The following STK3 variants were observed in gnomAD, a reference collection of about 807,000 sequenced individuals.
STK3 encodes serine/threonine-protein kinase 3.
STK3 carries 41 observed loss-of-function variants against 58.0 expected under a neutral mutation model. That is an observed-to-expected ratio of 0.71 (90% confidence interval 0.55 to 0.92). STK3 has a LOEUF of 0.92. STK3 is among the 40% of genes least tolerant of loss of function. The pLI is 0.00. For missense variants in STK3, 479 were observed against 602.7 expected, an observed-to-expected ratio of 0.79 and a Z score of 2.15; for synonymous variants, 170 against 191.0, an observed-to-expected ratio of 0.89 and a Z score of 0.91.
intron 8 of STK3, among the ~76,000 whole-genome samples, chr8:98,579,331 G>A (rs887734835): frequency 2.0e-5 from 3 of 152,066 alleles, no homozygotes; most frequent in African/African-American, 7.3e-5. Flanking sequence ...CAGCATAGCT[G>A]GTGACCAGTT....
rs1014483568 is a variant in STK3 at position 98,581,810 on chromosome 8, A to G, written c.823-2021T>C. On this transcript the variant is annotated intron_variant, in intron 7 of 10. Transcript: ENST00000419617. Reference sequence around the variant, plus strand: ...TGAGTCCCACCATCTCTAGCAGTCTATTGCCTTCTTTCCACCTTTTAGAGT... The same window carrying G: ...TGAGTCCCACCATCTCTAGCAGTCTGTTGCCTTCTTTCCACCTTTTAGAGT... 2.0e-5 allele frequency among the ~76,000 whole-genome samples: 3 copies of G among 151,776 alleles called. No individual in the cohort carries two copies. The South Asian group carries it at 6.3e-4, about 32-fold the overall frequency.
chr8:98,355,184 T>C, the STK3 span, among the ~76,000 whole-genome samples: 2 of 152,192 alleles, frequency 1.3e-5, no homozygotes, highest in Non-Finnish European at 2.9e-5. Flanking sequence ...ACAGCACTCC[T>C]TCTCCCTTGC....
At chr8:98,716,456 G>A (rs1324441115) in intron 4 of STK3, among the ~76,000 whole-genome samples, 2 of 151,526 alleles carry the variant, frequency 1.3e-5, no homozygotes, top group Non-Finnish European at 2.9e-5. Flanking sequence ...AAAATACTTA[G>A]GAATTAATTT....
chr8:98,901,323 T>C (rs1038254610), intron 1 of STK3, among the ~76,000 whole-genome samples: 7 of 152,210 alleles, frequency 4.6e-5, no homozygotes, highest in Non-Finnish European at 1.0e-4. Flanking sequence ...ACAATAAGCT[T>C]TTATTAACTC....
chr8:98,708,705 G>A (rs1264065068), intron 4 of STK3, among the ~76,000 whole-genome samples: 1 of 152,154 alleles, frequency 6.6e-6, no homozygotes, highest in Non-Finnish European at 1.5e-5. Context: ...GTGATATTAT[G>A]AAATCACAGG....
chr8:98,394,763 T>C (rs945786811), intron 3 of STK3, among the ~76,000 whole-genome samples: 6 of 152,210 alleles, frequency 3.9e-5, no homozygotes, highest in Non-Finnish European at 7.4e-5. Context: ...CAACAAATAC[T>C]AAGTTACTGT....
At chr8:98,914,743 C>T (rs1259771442) in intron 1 of STK3, among the ~76,000 whole-genome samples, 10 of 152,102 alleles carry the variant, frequency 6.6e-5, no homozygotes, top group African/African-American at 1.9e-4. Flanking sequence ...AAGAGCTAAA[C>T]GTGCTGATAT....
At chr8:98,536,372 G>C (rs1474994641) in intron 9 of STK3, among the ~76,000 whole-genome samples, 1 of 152,060 alleles carries the variant, frequency 6.6e-6, no homozygotes, top group African/African-American at 2.4e-5. Flanking sequence ...AGGATTGCTT[G>C]AGGCCAGGAG....
rs1210737166 is a variant in STK3 at position 98,455,962 on chromosome 8, T to C, written c.1356A>G (p.Leu452=). 2.5e-6 allele frequency: 4 copies of C among 1,612,532 alleles called. No homozygotes were observed. Among genetic ancestry groups the C allele is most frequent in the Admixed American group, 3.3e-5 (2 of 59,834 alleles). ...GTTCCATCATGGGGTCCAGTGCTTT[T>C]AACCGCATCTGTAGTTCTTCTAAAC... is the stretch of plus-strand genomic sequence containing the variant. The part of the protein sequence containing the change: ...NLSLEELQMR[L]KALDPMMERE... The change falls in exon 11 of 11, where the codon TTA becomes TTG. Residue 452 remains leucine (L), a synonymous_variant. Transcript: ENST00000419617.
intron 1 of STK3, among the ~76,000 whole-genome samples, chr8:98,815,028 A>T (rs1219453231): frequency 6.6e-6 from 1 of 152,106 alleles, no homozygotes; most frequent in Non-Finnish European, 1.5e-5. Context: ...GGATTATTTT[A>T]TTTTCTATCT....
At chr8:98,512,869 C>T (rs976224019) in intron 10 of STK3, among the ~76,000 whole-genome samples, 24 of 152,094 alleles carry the variant, frequency 1.6e-4, no homozygotes, top group African/African-American at 5.3e-4. Flanking sequence ...GTCAATTTAT[C>T]TATGGGTAAA....
chr8:98,701,689 C>T (rs1345446020), intron 6 of STK3, among the ~76,000 whole-genome samples: 1 of 151,572 alleles, frequency 6.6e-6, no homozygotes, highest in Non-Finnish European at 1.5e-5. Flanking sequence ...CTCACACACA[C>T]ACACTCTCTC....
downstream of STK3, among the ~76,000 whole-genome samples, chr8:98,450,998 ATCTC>A (rs1451551220): frequency 9.9e-5 from 15 of 152,146 alleles, no homozygotes; most frequent in Admixed American, 6.5e-5. Flanking sequence ...ACCTCATTTA[ATCTC>A]TCTAATTCTT....
chr8:98,792,270 T>C (rs1397792072), intron 1 of STK3, among the ~76,000 whole-genome samples: 2 of 152,152 alleles, frequency 1.3e-5, no homozygotes, highest in African/African-American at 4.8e-5. Flanking sequence ...CCACCTTACT[T>C]CTGCAACAAT....
intron 10 of STK3, among the ~76,000 whole-genome samples, chr8:98,490,491 T>G (rs1293441071): frequency 6.6e-6 from 1 of 152,196 alleles, no homozygotes; most frequent in Non-Finnish European, 1.5e-5. Context: ...CATTTTCCTA[T>G]TTTAACCCAT....
intron 3 of STK3, among the ~76,000 whole-genome samples, chr8:98,753,056 C>T (rs1011764906): frequency 3.3e-5 from 5 of 151,944 alleles, no homozygotes; most frequent in African/African-American, 1.2e-4. Context: ...TGTGGCAATT[C>T]CTCAAAGACC....
At chr8:98,739,966 G>A (rs1394471172) in intron 4 of STK3, among the ~76,000 whole-genome samples, 26 of 152,172 alleles carry the variant, frequency 1.7e-4, no homozygotes, top group Admixed American at 8.5e-4. Context: ...CTCAGGAGCC[G>A]ATGCGATCAA....
At chr8:98,589,561 G>T (rs1300834468) in intron 7 of STK3, among the ~76,000 whole-genome samples, 2 of 152,228 alleles carry the variant, frequency 1.3e-5, no homozygotes, top group Non-Finnish European at 2.9e-5. Flanking sequence ...GTTTGTCTGT[G>T]CCCTGCCCCC....
At chr8:98,399,894 T>C (rs913520563), downstream of STK3, among the ~76,000 whole-genome samples, 1 of 152,214 alleles carries the variant, frequency 6.6e-6, no homozygotes, top group African/African-American at 2.4e-5. Flanking sequence ...CCTCTATTGC[T>C]GCCCAGAAAT....
Sources: allele counts gnomAD v4.1 joint callset (sites outside exome capture counted in the v4.1 genomes callset), GRCh38; gene constraint gnomAD v4.1.1; transcripts MANE v1.5; gene names NCBI Gene and HGNC (gene_info 2026-07-23, HGNC 2026-07-21).